TXNL4B: variants seen among roughly 807,000 people sequenced by gnomAD.
The protein encoded by TXNL4B is thioredoxin-like protein 4B.
Under a neutral mutation model 13.0 loss-of-function variants are expected in TXNL4B, and 12 were observed. The observed-to-expected ratio is 0.92, with a 90% CI of 0.59 to 1.49. TXNL4B has a LOEUF of 1.49. Among genes scored for constraint, TXNL4B ranks in the 40% most tolerant of loss-of-function variants. The pLI is 0.00. For missense variants in TXNL4B, 214 were observed against 173.6 expected, an observed-to-expected ratio of 1.23 and a Z score of -1.31; for synonymous variants, 59 against 58.9, an observed-to-expected ratio of 1.00 and a Z score of -0.01.
At chr16:72,093,948 T>G (rs1374709314), upstream of TXNL4B, 1 of 152,250 alleles carries the variant, frequency 6.6e-6, no homozygotes, top group East Asian at 1.9e-4. Context: ...ATGGCCGCTT[T>G]CAAGGTGTGG....
chr16:72,089,187 T>C (rs750688926), intron 2 of TXNL4B, 49 bp from the exon 3 acceptor site: 16 of 1,521,926 alleles, frequency 1.1e-5, no homozygotes, highest in Non-Finnish European at 1.4e-5. Flanking sequence ...GGCAGCTTAA[T>C]GTTTCTTCTG....
rs201790636 is a variant in TXNL4B at position 72,086,001 on chromosome 16, CAA to C, written c.*634_*635del. ...CTGGGTGACAAGAGTGACTCGGTCT[CAA>C]AAAAAAAAAAAAAAATTAAATGAGC... On this transcript the variant is annotated 3_prime_UTR_variant, in exon 4 of 4. Transcript: ENST00000268483. 2.4e-4 allele frequency: 17 copies of C among 70,776 alleles called. No homozygotes were observed. Among genetic ancestry groups the C allele is most frequent in the African/African-American group, 2.6e-4 (5 of 19,266 alleles). The allele number at this position is 70,776 out of a possible 1,614,324, so 4.4% of individuals were successfully genotyped here. A position where few individuals can be genotyped will look rare whatever the true frequency, so the allele number is the denominator to read the frequency against.
intron 1 of TXNL4B, among the ~76,000 whole-genome samples, chr16:72,091,867 C>T (rs904250498): frequency 6.6e-5 from 10 of 152,336 alleles, no homozygotes; most frequent in Middle Eastern, 3.4e-3. Flanking sequence ...AGCTTGCTTA[C>T]AGTTGCACTT....
chr16:72,091,824 G>C (rs1300035213), intron 1 of TXNL4B, among the ~76,000 whole-genome samples: 2 of 152,122 alleles, frequency 1.3e-5, no homozygotes, highest in East Asian at 3.8e-4. Flanking sequence ...TGAGGTACAA[G>C]GGACCTAATA....
At chr16:72,089,186 A>G in intron 2 of TXNL4B, 48 bp from the exon 3 acceptor site, 1 of 1,530,640 alleles carries the variant, frequency 6.5e-7, no homozygotes, top group East Asian at 2.3e-5. Flanking sequence ...AGGCAGCTTA[A>G]TGTTTCTTCT....
Position 72,088,969 on chromosome 16 carries a change from C to T in TXNL4B, c.284+18G>A. On this transcript the variant is annotated intron_variant, in intron 3 of 3. Transcript: ENST00000268483. Reference sequence around the variant, plus strand: ...AAACTTACAAGGTTGCAATTAACTTCAGATCAACTGCACTTACCCATAATC... The same window carrying T: ...AAACTTACAAGGTTGCAATTAACTTTAGATCAACTGCACTTACCCATAATC... 6.3e-7 allele frequency: 1 copy of T among 1,575,236 alleles called. No individual in the cohort carries two copies. The highest frequency in any genetic ancestry group is 8.7e-7 in the Non-Finnish European group (1 of 1,153,910).
intron 2 of TXNL4B, among the ~76,000 whole-genome samples, chr16:72,089,485 G>A (rs1430888881): frequency 6.6e-6 from 1 of 152,024 alleles, no homozygotes; most frequent in East Asian, 1.9e-4. Context: ...ACCTAACCCA[G>A]AACTAAGACC....
chr16:72,086,188 G>GGT lies in TXNL4B; in HGVS notation c.*447_*448dup, dbSNP rs148582661. 0.01 allele frequency: 1,521 copies of GGT among 150,620 alleles called. 6 individuals are homozygous for GGT. Among genetic ancestry groups the GGT allele is most frequent in the Admixed American group, 0.015 (232 of 15,148 alleles). 9.3% of individuals were successfully genotyped at this position (150,620 alleles called of 1,614,324 possible). A position where few individuals can be genotyped will look rare whatever the true frequency, so the allele number is the denominator to read the frequency against. On this transcript the variant is annotated 3_prime_UTR_variant, in exon 4 of 4. Coordinates refer to ENST00000268483, the MANE Select transcript of TXNL4B (RefSeq NM_017853.3). ...CGAGGAACCGGCAAAGGGGTGTGGG[G>GGT]GTGTGTGTGTGTGTGTGTGTGCACA...
At chr16:72,089,427 G>C (rs1054672442) in intron 2 of TXNL4B, among the ~76,000 whole-genome samples, 2 of 152,148 alleles carry the variant, frequency 1.3e-5, no homozygotes, top group Non-Finnish European at 2.9e-5. Flanking sequence ...TGTGAGTTTA[G>C]GAGGGTGACA....
At position 72,085,409 on chromosome 16, in the gene TXNL4B, G is replaced by A. The variant is rs906029835; in HGVS notation, c.*1228C>T. 2.9e-5 allele frequency: 5 copies of A among 172,170 alleles called. No individual in the cohort carries two copies. The highest frequency in any genetic ancestry group is 1.6e-4 in the East Asian group (1 of 6,438). 10.7% of individuals were successfully genotyped at this position (172,170 alleles called of 1,614,324 possible). A position where few individuals can be genotyped will look rare whatever the true frequency, so the allele number is the denominator to read the frequency against. On this transcript the variant is annotated 3_prime_UTR_variant, in exon 4 of 4. Transcript: ENST00000268483. ...ATAAATCTGTTTCAATAACCACCAC[G>A]AGGTTTAAAGAGGAGCAGTAACTTG...
At chr16:72,091,060 C>T (rs779615521) in intron 1 of TXNL4B, among the ~76,000 whole-genome samples, 3 of 152,078 alleles carry the variant, frequency 2.0e-5, no homozygotes, top group Non-Finnish European at 4.4e-5. Context: ...ATATGCGTTC[C>T]GATATTTTTT....
chr16:72,090,841 A>G (rs953913910), intron 1 of TXNL4B, 55 bp from the exon 2 acceptor site: 1 of 1,397,844 alleles, frequency 7.2e-7, no homozygotes, highest in African/African-American at 1.4e-5. Context: ...GTGAGCCCTC[A>G]TTAAAAAAAA....
intron 1 of TXNL4B, among the ~76,000 whole-genome samples, chr16:72,092,983 A>G (rs1159596141): frequency 2.6e-5 from 4 of 152,162 alleles, no homozygotes; most frequent in Admixed American, 1.3e-4. Context: ...TCTTTGACCA[A>G]TAACTCCACT....
At chr16:72,091,214 G>C (rs2041899558) in intron 1 of TXNL4B, among the ~76,000 whole-genome samples, 1 of 152,134 alleles carries the variant, frequency 6.6e-6, no homozygotes, top group African/African-American at 2.4e-5. Context: ...TACTACTTTG[G>C]GGCTAGTAAC....
rs571895769 is a variant in TXNL4B at position 72,086,395 on chromosome 16, G to A, written c.*242C>T. On this transcript the variant is annotated 3_prime_UTR_variant, in exon 4 of 4. Coordinates refer to ENST00000268483, the MANE Select transcript of TXNL4B (RefSeq NM_017853.3). The stretch of plus-strand genomic sequence containing the variant: ...AAGAGAAGTTACAAAAATCACTGTG[G>A]GGAAAATGAACACCAATGACTTGGC... The A allele has an allele frequency of 1.4e-4, 51 of 365,316 alleles. No homozygotes were observed. The highest frequency in any genetic ancestry group is 1.7e-4 in the East Asian group (4 of 23,884). The allele number at this position is 365,316 out of a possible 1,614,324, so 22.6% of individuals were successfully genotyped here. A position where few individuals can be genotyped will look rare whatever the true frequency, so the allele number is the denominator to read the frequency against.
intron 2 of TXNL4B, chr16:72,090,020 T>C (rs1280420299): frequency 4.5e-6 from 2 of 448,060 alleles, no homozygotes; most frequent in Admixed American, 2.4e-5. Flanking sequence ...TGGTCCTTTT[T>C]TCCCCAAGCT....
In TXNL4B at chr16:72,086,806, G is replaced by A; in HGVS notation, c.285-4C>T. The A allele has an allele frequency of 6.3e-7, 1 of 1,590,694 alleles. No homozygotes were observed. The highest frequency in any genetic ancestry group is 2.2e-5 in the East Asian group (1 of 44,508). On this transcript the variant is annotated splice_region_variant and splice_polypyrimidine_tract_variant and intron_variant, in intron 3 of 3. Coordinates refer to ENST00000268483, the MANE Select transcript of TXNL4B (RefSeq NM_017853.3). ...AAACTTAGTGTGATCTGGAGATCTA[G>A]ACAGCATAGAAGAGAAACAACTGCT...
At position 72,086,423 on chromosome 16, in the gene TXNL4B, C is replaced by T. The variant is rs1239333174; in HGVS notation, c.*214G>A. ...AAAATGAACACCAATGACTTGGCTG[C>T]TCTGAGGCTTGCAGGGAGTAGACAG... On this transcript the variant is annotated 3_prime_UTR_variant, in exon 4 of 4. Coordinates refer to ENST00000268483, the MANE Select transcript of TXNL4B (RefSeq NM_017853.3). 2 of 428,914 alleles carry T rather than the reference C, an allele frequency of 4.7e-6. No homozygotes were observed. Among genetic ancestry groups the T allele is most frequent in the South Asian group, 5.1e-5 (1 of 19,538 alleles). The allele number at this position is 428,914 out of a possible 1,614,324, so 26.6% of individuals were successfully genotyped here. A position where few individuals can be genotyped will look rare whatever the true frequency, so the allele number is the denominator to read the frequency against.
chr16:72,088,468 G>A (rs1005929074), intron 3 of TXNL4B, among the ~76,000 whole-genome samples: 1 of 152,212 alleles, frequency 6.6e-6, no homozygotes, highest in Non-Finnish European at 1.5e-5. Flanking sequence ...ATTCTTGACA[G>A]GCTTTGTTGA....
Sources: allele counts gnomAD v4.1 joint callset (sites outside exome capture counted in the v4.1 genomes callset), GRCh38; gene constraint gnomAD v4.1.1; transcripts MANE v1.5; gene names NCBI Gene and HGNC (gene_info 2026-07-23, HGNC 2026-07-21).